SH3GL3: variants seen among roughly 807,000 people sequenced by gnomAD.
SH3GL3 encodes endophilin-A3.
Under a neutral mutation model 47.7 loss-of-function variants are expected in SH3GL3, and 33 were observed. That is an observed-to-expected ratio of 0.69 (90% CI 0.52 to 0.92). The LOEUF (loss-of-function observed/expected upper bound fraction) is 0.92. SH3GL3 is among the 40% of genes least tolerant of loss of function. The pLI is 0.00. For missense variants in SH3GL3, 363 were observed against 417.8 expected (o/e 0.87, Z 1.14); for synonymous variants, 155 against 148.8 (o/e 1.04, Z -0.30).
At chr15:83,493,899 G>A (rs1421890820) in intron 1 of SH3GL3, among the ~76,000 whole-genome samples, 1 of 152,192 alleles carries the variant, frequency 6.6e-6, no homozygotes, top group Admixed American at 6.5e-5. Flanking sequence ...AACACCCCAG[G>A]GGTGTTATAA....
At chr15:83,450,718 T>G (rs1182902942) in intron 1 of SH3GL3, among the ~76,000 whole-genome samples, 2 of 149,868 alleles carry the variant, frequency 1.3e-5, no homozygotes, top group Non-Finnish European at 3.0e-5. Context: ...TTTTTTTTTT[T>G]TTCTAATATG....
At position 83,447,892 on chromosome 15, in the gene SH3GL3, C is replaced by G. The variant is rs540526691; in HGVS notation, c.45+314C>G. On this transcript the variant is annotated intron_variant, in intron 1 of 8. Transcript: ENST00000427482. The surrounding 1 kb of genome is among the most constrained non-coding windows in gnomAD (Gnocchi z 5.1). ...CGGAGACGGAGTGGGCGTGGGGGGG[C>G]CCCTACCCGCGCGAGGGGAGGACGA... Among the ~76,000 whole-genome samples the G allele has an allele frequency of 1.6e-4, 25 of 152,232 alleles. 1 individual carries two copies. In the East Asian group the frequency reaches 4.6e-3, roughly 28 times the overall value.
In SH3GL3 at chr15:83,447,859, T is replaced by G. The variant is rs1355109998; in HGVS notation, c.45+281T>G. Among the ~76,000 whole-genome samples the G allele has an allele frequency of 1.3e-5, 2 of 151,538 alleles. No individual in the cohort carries two copies. The highest frequency in any genetic ancestry group is 2.9e-5 in the Non-Finnish European group (2 of 67,942). On this transcript the variant is annotated intron_variant, in intron 1 of 8. Coordinates refer to ENST00000427482, the MANE Select transcript of SH3GL3 (RefSeq NM_003027.5). The surrounding 1 kb of genome is among the most constrained non-coding windows in gnomAD (Gnocchi z 5.1). Reference sequence around the variant, plus strand: ...GGGCAGAGGTGGCGGCCGCGGGGACTCGGGAGGCGGAGACGGAGTGGGCGT... The same window carrying G: ...GGGCAGAGGTGGCGGCCGCGGGGACGCGGGAGGCGGAGACGGAGTGGGCGT...
At chr15:83,542,651 A>G (rs529377379) in intron 1 of SH3GL3, among the ~76,000 whole-genome samples, 4 of 152,120 alleles carry the variant, frequency 2.6e-5, no homozygotes, top group East Asian at 1.9e-4. Context: ...TTTTGCATCA[A>G]TGCTTTATCG....
chr15:83,561,329 A>G (rs920433746), intron 2 of SH3GL3, among the ~76,000 whole-genome samples: 14 of 152,134 alleles, frequency 9.2e-5, no homozygotes, highest in African/African-American at 3.4e-4. Context: ...ATGTTTGGAA[A>G]TTTAAAAATA....
rs556069716 is a variant in SH3GL3 at position 83,577,476 on chromosome 15, C to T, written c.624+735C>T. On this transcript the variant is annotated intron_variant, in intron 6 of 8. Coordinates refer to ENST00000427482, the MANE Select transcript of SH3GL3 (RefSeq NM_003027.5). ...AGTGCAGTGGCACGATTGTGACTCA[C>T]TGCAGCCTCGACCTCCCAGGCTCAA... is the stretch of plus-strand genomic sequence containing the variant. Among the ~76,000 whole-genome samples the T allele has an allele frequency of 3.9e-5, 6 of 152,324 alleles. No individual in the cohort carries two copies. The South Asian group carries it at 1.2e-3, about 32-fold the overall frequency.
chr15:83,625,356 A>G, the SH3GL3 span, among the ~76,000 whole-genome samples: 3 of 151,936 alleles, frequency 2.0e-5, no homozygotes, highest in African/African-American at 4.8e-5. Flanking sequence ...CCACTTTATC[A>G]CTCTGTCATA....
chr15:83,610,181 C>T lies in SH3GL3; in HGVS notation c.839-7901C>T, dbSNP rs949172926. ...TCCTGAGGTATGCTGAGCTGAGGAC[C>T]CAAAGGCTCATTCCAAGCCCAGCTG... is the stretch of plus-strand genomic sequence containing the variant. On this transcript the variant is annotated intron_variant, in intron 8 of 8. Transcript: ENST00000427482. Among the ~76,000 whole-genome samples the T allele has an allele frequency of 1.9e-4, 29 of 152,288 alleles. 1 individual carries two copies. The highest frequency in any genetic ancestry group is 8.8e-5 in the Non-Finnish European group (6 of 68,016).
intron 8 of SH3GL3, among the ~76,000 whole-genome samples, chr15:83,601,265 G>T (rs1426595872): frequency 1.3e-5 from 2 of 152,184 alleles, no homozygotes; most frequent in African/African-American, 4.8e-5. Context: ...GGGCATCCTT[G>T]TCTTGTTCCA....
At chr15:83,573,409 C>G (rs1327546304) in intron 5 of SH3GL3, among the ~76,000 whole-genome samples, 2 of 152,218 alleles carry the variant, frequency 1.3e-5, no homozygotes, top group African/African-American at 4.8e-5. Flanking sequence ...GTCCCTGGAC[C>G]AGCAACATCA....
chr15:83,563,691 T>G (rs1426769445), intron 2 of SH3GL3, among the ~76,000 whole-genome samples: 2 of 152,098 alleles, frequency 1.3e-5, no homozygotes. Flanking sequence ...CAGGCTGGAG[T>G]GTAGTGGCGT....
At chr15:83,517,195 C>A (rs1404277933) in intron 1 of SH3GL3, among the ~76,000 whole-genome samples, 1 of 128,402 alleles carries the variant, frequency 7.8e-6, no homozygotes, top group Non-Finnish European at 1.6e-5. Flanking sequence ...TTTTCTTTTT[C>A]TTTTCTTTTC....
Position 83,618,454 on chromosome 15 carries a change from G to A in SH3GL3, c.*167G>A. 1.7e-6 allele frequency: 1 copy of A among 573,880 alleles called. No homozygotes were observed. The highest frequency in any genetic ancestry group is 2.3e-5 in the South Asian group (1 of 43,668). 35.5% of individuals were successfully genotyped at this position (573,880 alleles called of 1,614,324 possible). On this transcript the variant is annotated 3_prime_UTR_variant, in exon 9 of 9. Transcript: ENST00000427482. The stretch of plus-strand genomic sequence containing the variant: ...TTATATCACTTTAATTTGTATAAAT[G>A]ATTTTCTTGTCCTTGCTACATGAAA...
chr15:83,471,510 A>G (rs891989966), intron 1 of SH3GL3, among the ~76,000 whole-genome samples: 4 of 152,196 alleles, frequency 2.6e-5, no homozygotes, highest in Non-Finnish European at 5.9e-5. Flanking sequence ...CTATGCCCAA[A>G]TAAGGCAAAT....
Position 83,558,788 on chromosome 15 carries a change from G to A in SH3GL3, c.46-465G>A, listed in dbSNP as rs1014921419. Among the ~76,000 whole-genome samples, 5 of 152,076 alleles carry A rather than the reference G, an allele frequency of 3.3e-5. No homozygotes were observed. The South Asian group carries it at 6.2e-4, about 19-fold the overall frequency. ...CCACATCTTCTAGGAAACACATCCC[G>A]CATGAACCTACTCCCAGTGCCGTGG... On this transcript the variant is annotated intron_variant, in intron 1 of 8. Transcript: ENST00000427482.
chr15:83,571,376 C>T (rs940315688), intron 4 of SH3GL3, among the ~76,000 whole-genome samples: 1 of 152,058 alleles, frequency 6.6e-6, no homozygotes, highest in East Asian at 1.9e-4. Context: ...ACCATTTGGG[C>T]AGGAAAGAGT....
chr15:83,506,806 C>T (rs373276905), intron 1 of SH3GL3, among the ~76,000 whole-genome samples: 7 of 152,050 alleles, frequency 4.6e-5, no homozygotes, highest in East Asian at 1.9e-4. Flanking sequence ...TTCTCCTATG[C>T]GTTTTCTGAT....
intron 8 of SH3GL3, among the ~76,000 whole-genome samples, chr15:83,590,232 T>C (rs1363382456): frequency 6.6e-6 from 1 of 152,166 alleles, no homozygotes; most frequent in African/African-American, 2.4e-5. Flanking sequence ...TGTCCCTTTG[T>C]TGTTTTTGCT....
intron 5 of SH3GL3, among the ~76,000 whole-genome samples, chr15:83,576,074 G>A (rs1460615488): frequency 1.3e-5 from 2 of 152,066 alleles, no homozygotes; most frequent in South Asian, 2.1e-4. Context: ...CATTAACAGC[G>A]TTTTACGCAA....
Sources: gnomAD v4.1 joint callset for allele counts (sites outside exome capture counted in the v4.1 genomes callset) on GRCh38, gnomAD v4.1.1 for gene constraint, Gnocchi (gnomAD v3.1) non-coding constraint, MANE v1.5 for transcripts, NCBI Gene and HGNC (gene_info 2026-07-23, HGNC 2026-07-21) for gene names.